ADGRL3: variants seen among roughly 807,000 people sequenced by gnomAD.
ADGRL3 encodes adhesion G protein-coupled receptor L3.
ADGRL3 carries 62 observed loss-of-function variants against 153.5 expected under a neutral mutation model. The ratio of observed to expected loss-of-function variants is 0.40; its 90% CI spans 0.33 to 0.50. The LOEUF is 0.50. Ranked by LOEUF, ADGRL3 falls within the 20% of genes least tolerant of loss-of-function variation. The pLI is 0.47. For missense variants in ADGRL3, 1,641 were observed against 1,859.4 expected (o/e 0.88, Z 2.16); for synonymous variants, 710 against 672.5 (o/e 1.06, Z -0.86).
intron 25 of ADGRL3, among the ~76,000 whole-genome samples, chr4:62,049,410 A>C (rs1732930631): frequency 6.6e-6 from 1 of 152,106 alleles, no homozygotes. Context: ...ATGCATAGAG[A>C]TCTGACTAGT....
At chr4:62,042,627 C>T (rs1728990116) in intron 24 of ADGRL3, among the ~76,000 whole-genome samples, 1 of 151,768 alleles carries the variant, frequency 6.6e-6, no homozygotes, top group Non-Finnish European at 1.5e-5. Context: ...TAAATATCAC[C>T]TAACAATAAT....
chr4:61,275,045 T>G (rs2093394775), intron 1 of ADGRL3, among the ~76,000 whole-genome samples: 1 of 152,170 alleles, frequency 6.6e-6, no homozygotes, highest in Non-Finnish European at 1.5e-5. Context: ...GGTTCACTGT[T>G]CGTTCTGTAA....
intron 2 of ADGRL3, among the ~76,000 whole-genome samples, chr4:61,483,235 C>G (rs997854333): frequency 1.3e-5 from 2 of 152,100 alleles, no homozygotes; most frequent in Non-Finnish European, 2.9e-5. Context: ...CTCTCTGCAT[C>G]ATAAAATTTA....
intron 16 of ADGRL3, 72 bp downstream of exon 16, chr4:61,947,194 T>A: frequency 2.5e-6 from 3 of 1,195,898 alleles, no homozygotes; most frequent in Non-Finnish European, 3.6e-6. Flanking sequence ...TTAAGTGTAT[T>A]AATTTTCTTT....
At chr4:61,362,554 G>A (rs1226065285) in intron 1 of ADGRL3, among the ~76,000 whole-genome samples, 19 of 151,978 alleles carry the variant, frequency 1.3e-4, no homozygotes, top group Admixed American at 1.1e-3. Flanking sequence ...TATAGGTTAG[G>A]TATTGTATAT....
intron 17 of ADGRL3, among the ~76,000 whole-genome samples, chr4:61,977,214 G>C (rs1248503392): frequency 5.4e-5 from 8 of 147,104 alleles, no homozygotes; most frequent in Non-Finnish European, 9.0e-5. Context: ...TTTTTTTCTT[G>C]TTCTTTTTTT....
At chr4:61,764,749 G>A (rs935520376) in intron 8 of ADGRL3, among the ~76,000 whole-genome samples, 4 of 151,994 alleles carry the variant, frequency 2.6e-5, no homozygotes, top group Non-Finnish European at 4.4e-5. Flanking sequence ...TTGAAGTGTT[G>A]GGGCGGTGAA....
At chr4:61,863,281 A>G (rs918112434) in intron 9 of ADGRL3, among the ~76,000 whole-genome samples, 1 of 110,812 alleles carries the variant, frequency 9.0e-6, no homozygotes, top group East Asian at 2.9e-4. Context: ...TCTGTCGCCC[A>G]GGCTGGAGTG....
intron 15 of ADGRL3, among the ~76,000 whole-genome samples, chr4:61,939,955 G>T (rs2098874674): frequency 6.7e-6 from 1 of 150,004 alleles, no homozygotes; most frequent in African/African-American, 2.5e-5. Flanking sequence ...TATACTCTAA[G>T]TTTTAGGGTA....
intron 9 of ADGRL3, among the ~76,000 whole-genome samples, chr4:61,828,971 G>A (rs2097842101): frequency 6.6e-6 from 1 of 152,144 alleles, no homozygotes; most frequent in African/African-American, 2.4e-5. Flanking sequence ...TCGTGGTCAT[G>A]CTCTTAACTG....
Position 61,733,241 on chromosome 4 carries a change from C to A in ADGRL3, c.1086C>A (p.Thr362=), listed in dbSNP as rs368860035. Reference sequence around the variant, plus strand: ...TCATTAGTCAATTGAACCCTTACACCCTACGGATCGAAGGAACATGGGATA... The same window carrying A: ...TCATTAGTCAATTGAACCCTTACACACTACGGATCGAAGGAACATGGGATA... The part of the protein sequence containing the change: ...KIVISQLNPY[T]LRIEGTWDTA... The change falls in exon 8 of 27, where the codon ACC becomes ACA. Residue 362 remains threonine, a synonymous_variant. Transcript: ENST00000683033. The A allele has an allele frequency of 6.2e-7, 1 of 1,613,598 alleles. No individual in the cohort carries two copies. The highest frequency in any genetic ancestry group is 8.5e-7 in the Non-Finnish European group (1 of 1,179,784).
intron 1 of ADGRL3, among the ~76,000 whole-genome samples, chr4:61,204,853 T>G (rs189360859): frequency 1.3e-5 from 2 of 152,270 alleles, no homozygotes; most frequent in African/African-American, 4.8e-5. Flanking sequence ...GATGTCTCAT[T>G]TTTGGTTGCT....
intron 4 of ADGRL3, among the ~76,000 whole-genome samples, chr4:61,550,882 T>C (rs1323635326): frequency 6.6e-6 from 1 of 152,050 alleles, no homozygotes; most frequent in Non-Finnish European, 1.5e-5. Context: ...ACTAAGTAAT[T>C]ACCCTGTTTA....
chr4:61,225,622 G>GT, intron 1 of ADGRL3, among the ~76,000 whole-genome samples: 1 of 152,138 alleles, frequency 6.6e-6, no homozygotes, highest in East Asian at 1.9e-4. Context: ...ACACCACTTT[G>GT]TTATTCACTT....
chr4:62,054,356 G>A (rs1377122703), intron 25 of ADGRL3, among the ~76,000 whole-genome samples: 1 of 151,624 alleles, frequency 6.6e-6, no homozygotes, highest in African/African-American at 2.4e-5. Flanking sequence ...TTGCTTTGAA[G>A]CAGATTCACC....
At chr4:61,612,915 A>G (rs2091544313) in intron 5 of ADGRL3, among the ~76,000 whole-genome samples, 2 of 152,180 alleles carry the variant, frequency 1.3e-5, no homozygotes, top group Admixed American at 1.3e-4. Context: ...CTGTCTACAT[A>G]AGGGGAGAAA....
At chr4:62,039,033 TTAAC>T (rs1187930005) in intron 24 of ADGRL3, among the ~76,000 whole-genome samples, 1 of 152,194 alleles carries the variant, frequency 6.6e-6, no homozygotes, top group Non-Finnish European at 1.5e-5. Context: ...TTAATTTTTC[TTAAC>T]TCTTTTAGCT....
chr4:61,742,192 A>G (rs1251238288), intron 8 of ADGRL3, among the ~76,000 whole-genome samples: 1 of 152,166 alleles, frequency 6.6e-6, no homozygotes, highest in Non-Finnish European at 1.5e-5. Flanking sequence ...TCTATTACGT[A>G]ATAGCTGTTA....
intron 3 of ADGRL3, among the ~76,000 whole-genome samples, chr4:61,513,927 C>T (rs934497106): frequency 6.6e-6 from 1 of 152,064 alleles, no homozygotes; most frequent in Admixed American, 6.6e-5. Context: ...GAAACTGTGG[C>T]CTCTAATGGT....
Sources: gnomAD v4.1 joint callset for allele counts (sites outside exome capture counted in the v4.1 genomes callset) on GRCh38, gnomAD v4.1.1 for gene constraint, MANE v1.5 for transcripts, NCBI Gene and HGNC (gene_info 2026-07-23, HGNC 2026-07-21) for gene names.